SLCO5A1: variants seen among roughly 807,000 people sequenced by gnomAD.
The protein encoded by SLCO5A1 is organic anion transporter polypeptide-related protein 4.
SLCO5A1 carries 39 observed loss-of-function variants against 65.1 expected under a neutral mutation model. The ratio of observed to expected loss-of-function variants is 0.60; its 90% confidence interval spans 0.46 to 0.78. The LOEUF (loss-of-function observed/expected upper bound fraction) is 0.78. Ranked by LOEUF, SLCO5A1 falls within the 30% of genes least tolerant of loss-of-function variation. The pLI, the probability that SLCO5A1 is intolerant of heterozygous loss-of-function variation, is 0.00. For synonymous variants in SLCO5A1, 438 were observed against 415.7 expected (o/e 1.05, Z -0.65); for missense variants, 1,029 against 1,069.4 (o/e 0.96, Z 0.53).
intron 5 of SLCO5A1, among the ~76,000 whole-genome samples, chr8:69,731,387 G>A (rs753577789): frequency 5.9e-5 from 9 of 152,202 alleles, no homozygotes; most frequent in Non-Finnish European, 1.2e-4. Flanking sequence ...TAATGCTGAT[G>A]CCATGTAGTA....
chr8:69,797,306 G>A (rs928533825), intron 2 of SLCO5A1, among the ~76,000 whole-genome samples: 10 of 152,046 alleles, frequency 6.6e-5, no homozygotes, highest in East Asian at 3.8e-4. Context: ...CGTCATCTTC[G>A]TAAGCTGAGG....
At chr8:69,739,219 A>G (rs1816695822) in intron 4 of SLCO5A1, among the ~76,000 whole-genome samples, 1 of 152,238 alleles carries the variant, frequency 6.6e-6, no homozygotes, top group South Asian at 2.1e-4. Context: ...ATGGTCAAAT[A>G]TATACTTCTC....
chr8:69,755,942 C>T (rs1024088111), intron 3 of SLCO5A1, among the ~76,000 whole-genome samples: 1 of 152,136 alleles, frequency 6.6e-6, no homozygotes. Flanking sequence ...GCATTGCTAA[C>T]CTTCTACAAT....
intron 2 of SLCO5A1, among the ~76,000 whole-genome samples, chr8:69,809,450 G>A (rs1418677436): frequency 5.3e-5 from 8 of 152,022 alleles, no homozygotes; most frequent in Admixed American, 3.9e-4. Flanking sequence ...CAAATGTTTT[G>A]TATGGCACCT....
chr8:69,774,435 T>C (rs896787715), intron 2 of SLCO5A1, among the ~76,000 whole-genome samples: 1 of 152,206 alleles, frequency 6.6e-6, no homozygotes, highest in Non-Finnish European at 1.5e-5. Context: ...CAGAGCTTCC[T>C]TATAACTGAC....
chr8:69,721,257 C>T (rs1004210659), intron 5 of SLCO5A1, among the ~76,000 whole-genome samples: 1 of 152,208 alleles, frequency 6.6e-6, no homozygotes, highest in Non-Finnish European at 1.5e-5. Context: ...ATTACAGTCC[C>T]TATACCAGCC....
intron 2 of SLCO5A1, among the ~76,000 whole-genome samples, chr8:69,787,467 A>G (rs988538916): frequency 6.6e-6 from 1 of 152,174 alleles, no homozygotes; most frequent in African/African-American, 2.4e-5. Flanking sequence ...CAGGTCCACA[A>G]TCCCTCAGCC....
At chr8:69,779,257 C>T (rs950681797) in intron 2 of SLCO5A1, among the ~76,000 whole-genome samples, 2 of 152,048 alleles carry the variant, frequency 1.3e-5, no homozygotes, top group South Asian at 2.1e-4. Context: ...ATTATTTAAG[C>T]TATGACTATA....
chr8:69,677,505 C>A (rs1306067550), intron 8 of SLCO5A1, among the ~76,000 whole-genome samples: 1 of 152,228 alleles, frequency 6.6e-6, no homozygotes, highest in Non-Finnish European at 1.5e-5. Context: ...ACCTCTCCAT[C>A]ACATACCCAT....
At position 69,779,080 on chromosome 8, in the gene SLCO5A1, G is replaced by A. The variant is rs535287951; in HGVS notation, c.908-17205C>T. ...GAGTTGAGCGACTGCAACAGACATG[G>A]TACAGCCCACAAAGCTTAAGATATT... On this transcript the variant is annotated intron_variant, in intron 2 of 9. Coordinates refer to ENST00000260126, the MANE Select transcript of SLCO5A1 (RefSeq NM_030958.3). Among the ~76,000 whole-genome samples the A allele has an allele frequency of 5.9e-5, 9 of 152,210 alleles. No individual in the cohort carries two copies. The East Asian group carries it at 1.2e-3, about 20-fold the overall frequency.
intron 6 of SLCO5A1, among the ~76,000 whole-genome samples, chr8:69,692,034 G>A (rs1426258396): frequency 6.6e-6 from 1 of 152,178 alleles, no homozygotes; most frequent in Non-Finnish European, 1.5e-5. Flanking sequence ...AGATCACAAG[G>A]TCAGGAGATC....
At chr8:69,726,514 T>C (rs4236973) in intron 5 of SLCO5A1, among the ~76,000 whole-genome samples, 9 of 137,382 alleles carry the variant, frequency 6.6e-5, no homozygotes, top group Non-Finnish European at 1.3e-4. Context: ...TTTTTTTTTT[T>C]GGGGGGACAG....
intron 5 of SLCO5A1, among the ~76,000 whole-genome samples, chr8:69,708,709 G>C (rs1475308372): frequency 6.6e-6 from 1 of 152,128 alleles, no homozygotes; most frequent in African/African-American, 2.4e-5. Context: ...TTCGAGACCA[G>C]CCTGATCAAC....
chr8:69,801,402 C>A (rs1819731197), intron 2 of SLCO5A1, among the ~76,000 whole-genome samples: 1 of 152,102 alleles, frequency 6.6e-6, no homozygotes, highest in African/African-American at 2.4e-5. Context: ...CTCAACAATT[C>A]CTCGGAAAGC....
rs866553346 is a variant in SLCO5A1 at position 69,831,901 on chromosome 8, T to C, written c.773A>G (p.Asn258Ser). 1.2e-6 allele frequency: 2 copies of C among 1,609,964 alleles called. No individual in the cohort carries two copies. Among genetic ancestry groups the C allele is most frequent in the Admixed American group, 1.7e-5 (1 of 58,812 alleles). ...PPACPKDSGG[N>S]NHWVYVALFI... ...TAAAGCCACGTAGACCCAGTGATTA[T>C]TTCCTCCCGAGTCCTTCGGACAGGC... Residue 258 changes from asparagine to serine, a missense_variant, in exon 2 of 10, where the codon AAT becomes AGT. By Grantham distance (46) the Asn-to-Ser change is conservative. Transcript: ENST00000260126.
intron 4 of SLCO5A1, among the ~76,000 whole-genome samples, chr8:69,753,171 C>G (rs1220118039): frequency 6.6e-6 from 1 of 152,102 alleles, no homozygotes; most frequent in East Asian, 1.9e-4. Context: ...TGGGGCAACT[C>G]AGGGAACACT....
At chr8:69,798,469 G>A (rs1467120176) in intron 2 of SLCO5A1, among the ~76,000 whole-genome samples, 2 of 152,146 alleles carry the variant, frequency 1.3e-5, no homozygotes, top group Admixed American at 1.3e-4. Context: ...GGGGAAGCTG[G>A]CACTTCACAT....
At chr8:69,752,529 G>C (rs934279089) in intron 4 of SLCO5A1, among the ~76,000 whole-genome samples, 15 of 151,690 alleles carry the variant, frequency 9.9e-5, no homozygotes, top group African/African-American at 3.6e-4. Context: ...ACTTTCTTCA[G>C]GTGATATGTA....
intron 2 of SLCO5A1, among the ~76,000 whole-genome samples, chr8:69,804,751 A>T (rs1207543262): frequency 6.6e-6 from 1 of 152,198 alleles, no homozygotes; most frequent in Non-Finnish European, 1.5e-5. Context: ...ACCAAGCAGG[A>T]GGCTACCCAC....
Sources: allele counts gnomAD v4.1 joint callset (sites outside exome capture counted in the v4.1 genomes callset), GRCh38; gene constraint gnomAD v4.1.1; transcripts MANE v1.5; gene names NCBI Gene and HGNC (gene_info 2026-07-23, HGNC 2026-07-21).